GAS2: variants seen among roughly 807,000 people sequenced by gnomAD.
The protein encoded by GAS2 is growth arrest specific 2.
A neutral mutation model predicts 37.5 loss-of-function variants in GAS2; 20 were observed. The ratio of observed to expected loss-of-function variants is 0.53; its 90% CI spans 0.37 to 0.77. GAS2 has a LOEUF of 0.77. Among genes scored for constraint, GAS2 ranks in the 30% least tolerant of loss-of-function variants. GAS2 has a pLI of 0.00. For synonymous variants in GAS2, 144 were observed against 132.2 expected, an observed-to-expected ratio of 1.09 and a Z score of -0.61; for missense variants, 336 against 373.4, an observed-to-expected ratio of 0.90 and a Z score of 0.82.
intron 7 of GAS2, among the ~76,000 whole-genome samples, chr11:22,781,421 C>T (rs1564885978): frequency 6.6e-6 from 1 of 152,192 alleles, no homozygotes; most frequent in Non-Finnish European, 1.5e-5. Flanking sequence ...TGTATGAGTG[C>T]AGCTGCCACT....
intron 2 of GAS2, among the ~76,000 whole-genome samples, chr11:22,676,983 G>A (rs562071263): frequency 2.0e-5 from 3 of 152,220 alleles, no homozygotes; most frequent in African/African-American, 7.2e-5. Flanking sequence ...TAATCAAGCA[G>A]TAAATAATAA....
chr11:22,746,571 G>A (rs773828852), intron 5 of GAS2, among the ~76,000 whole-genome samples: 35 of 152,108 alleles, frequency 2.3e-4, no homozygotes, highest in Non-Finnish European at 4.6e-4. Flanking sequence ...GCAGCTGAAG[G>A]CCATTATCTT....
chr11:22,776,110 A>G (rs147788283), intron 7 of GAS2, among the ~76,000 whole-genome samples: 1 of 152,338 alleles, frequency 6.6e-6, no homozygotes, highest in African/African-American at 2.4e-5. Context: ...GATTTTCAGT[A>G]GCAGAGAGTA....
chr11:22,652,080 T>G (rs1181921287), intron 1 of GAS2, among the ~76,000 whole-genome samples: 1 of 152,232 alleles, frequency 6.6e-6, no homozygotes, highest in Non-Finnish European at 1.5e-5. Flanking sequence ...ATGATGGTGA[T>G]GTACAGATGG....
chr11:22,769,143 G>A (rs1234350815), intron 7 of GAS2, among the ~76,000 whole-genome samples: 1 of 152,152 alleles, frequency 6.6e-6, no homozygotes, highest in East Asian at 1.9e-4. Flanking sequence ...TTAACCTAAG[G>A]TGGTCTTTAG....
At chr11:22,779,868 A>T (rs187704966) in intron 7 of GAS2, among the ~76,000 whole-genome samples, 1 of 152,194 alleles carries the variant, frequency 6.6e-6, no homozygotes, top group Admixed American at 6.5e-5. Flanking sequence ...TTCCTCCCCA[A>T]ATTAGGCCAC....
At chr11:22,697,837 A>AT (rs2134004586) in intron 3 of GAS2, among the ~76,000 whole-genome samples, 1 of 152,184 alleles carries the variant, frequency 6.6e-6, no homozygotes, top group Admixed American at 6.5e-5. Context: ...GCTTAAGGAG[A>AT]TTTTGGGCTG....
chr11:22,712,296 C>G (rs978578685), intron 3 of GAS2, among the ~76,000 whole-genome samples: 6 of 152,218 alleles, frequency 3.9e-5, no homozygotes, highest in African/African-American at 1.4e-4. Flanking sequence ...ACAGAGTCCA[C>G]TTTACTCCCC....
intron 1 of GAS2, among the ~76,000 whole-genome samples, chr11:22,654,967 C>T (rs995079226): frequency 6.6e-6 from 1 of 151,970 alleles, no homozygotes; most frequent in African/African-American, 2.4e-5. Flanking sequence ...AATTAATAAC[C>T]AAATCTGTCA....
chr11:22,638,633 G>A (rs1028011297), intron 1 of GAS2, among the ~76,000 whole-genome samples: 83 of 152,080 alleles, frequency 5.5e-4, no homozygotes, highest in African/African-American at 1.8e-3. Flanking sequence ...GGCATGAGCC[G>A]TTGCACGCAG....
intron 7 of GAS2, among the ~76,000 whole-genome samples, chr11:22,806,451 G>A (rs1030556324): frequency 3.3e-5 from 5 of 151,994 alleles, no homozygotes; most frequent in African/African-American, 9.7e-5. Context: ...ATTTCATTTC[G>A]CTTGTATATA....
At chr11:22,742,985 T>A (rs963372138) in intron 5 of GAS2, among the ~76,000 whole-genome samples, 7 of 152,122 alleles carry the variant, frequency 4.6e-5, no homozygotes, top group Non-Finnish European at 8.8e-5. Flanking sequence ...CTAGCCTCAC[T>A]ACCAAGTTTA....
intron 7 of GAS2, among the ~76,000 whole-genome samples, chr11:22,785,533 A>G (rs904588334): frequency 6.6e-6 from 1 of 152,152 alleles, no homozygotes; most frequent in Non-Finnish European, 1.5e-5. Flanking sequence ...TGATTAAAGG[A>G]CTTTGCTGAT....
At position 22,750,747 on chromosome 11, in the gene GAS2, T is replaced by G. The variant is rs1853680916; in HGVS notation, c.615+1486T>G. Among the ~76,000 whole-genome samples the G allele has an allele frequency of 3.9e-5, 6 of 152,174 alleles. No individual in the cohort carries two copies. The South Asian group carries it at 1.2e-3, about 32-fold the overall frequency. On this transcript the variant is annotated intron_variant, in intron 6 of 7. Transcript: ENST00000454584. Reference sequence around the variant, plus strand: ...TCAATTATACTTTTTTTATTAGACTTACTTTAGGGTAAGATGTACCTCTAG... The same window carrying G: ...TCAATTATACTTTTTTTATTAGACTGACTTTAGGGTAAGATGTACCTCTAG...
chr11:22,795,310 C>A (rs1387803049), intron 7 of GAS2, among the ~76,000 whole-genome samples: 2 of 152,082 alleles, frequency 1.3e-5, no homozygotes, highest in East Asian at 3.9e-4. Flanking sequence ...AGGGATTAGA[C>A]TGTACCAGAA....
At chr11:22,665,851 CTCA>C (rs1848975704), upstream of GAS2, among the ~76,000 whole-genome samples, 1 of 152,206 alleles carries the variant, frequency 6.6e-6, no homozygotes, top group Non-Finnish European at 1.5e-5. Flanking sequence ...GGCTAGGTAA[CTCA>C]TCATTATAAA....
At chr11:22,745,985 A>G (rs10741949) in intron 5 of GAS2, among the ~76,000 whole-genome samples, 137,685 of 152,128 alleles carry the variant, frequency 0.91, 63,922 homozygotes, top group East Asian at 1. Flanking sequence ...CCACCTCTAT[A>G]AAAAATTACA....
At chr11:22,784,026 A>G (rs774885202) in intron 7 of GAS2, among the ~76,000 whole-genome samples, 3 of 152,140 alleles carry the variant, frequency 2.0e-5, no homozygotes, top group Admixed American at 1.3e-4. Context: ...TACCAGGACC[A>G]TGCTGTTTTG....
chr11:22,731,990 C>G (rs924730096), intron 4 of GAS2, among the ~76,000 whole-genome samples: 1 of 151,638 alleles, frequency 6.6e-6, no homozygotes, highest in Non-Finnish European at 1.5e-5. Context: ...TGGCCCTCTC[C>G]CCTATGTCAG....
Sources: gnomAD v4.1 joint callset for allele counts (sites outside exome capture counted in the v4.1 genomes callset) on GRCh38, gnomAD v4.1.1 for gene constraint, MANE v1.5 for transcripts, NCBI Gene and HGNC (gene_info 2026-07-23, HGNC 2026-07-21) for gene names.